Variants in CALN1 observed in about 807,000 individuals in gnomAD.
The protein encoded by CALN1 is calneuron 1.
A neutral mutation model predicts 30.6 loss-of-function variants in CALN1; 17 were observed. The ratio of observed to expected loss-of-function variants is 0.56; its 90% CI spans 0.38 to 0.83. The LOEUF is 0.83. Ranked by LOEUF, CALN1 falls within the 40% of genes least tolerant of loss-of-function variation. CALN1 has a pLI of 0.00. For synonymous variants in CALN1, 156 were observed against 131.4 expected, an observed-to-expected ratio of 1.19 and a Z score of -1.28; for missense variants, 291 against 354.9, an observed-to-expected ratio of 0.82 and a Z score of 1.45.
At chr7:72,089,100 T>A (rs10950293) in intron 4 of CALN1, among the ~76,000 whole-genome samples, 34,512 of 151,988 alleles carry the variant, frequency 0.23, 3,960 homozygotes, top group Admixed American at 0.29. Context: ...TTTTTTAAAT[T>A]GAAAATAATA....
chr7:71,831,056 C>A (rs1051052565), intron 5 of CALN1, among the ~76,000 whole-genome samples: 12 of 152,090 alleles, frequency 7.9e-5, no homozygotes, highest in African/African-American at 2.7e-4. Flanking sequence ...TAAATGCAGA[C>A]CCCGAGTTCA....
At chr7:72,307,688 G>C (rs1459105771) in intron 2 of CALN1, among the ~76,000 whole-genome samples, 1 of 152,024 alleles carries the variant, frequency 6.6e-6, no homozygotes, top group African/African-American at 2.4e-5. Flanking sequence ...CAGATGCCGT[G>C]GGGAGGTGAC....
chr7:71,879,108 A>G (rs1792420831), intron 5 of CALN1, among the ~76,000 whole-genome samples: 1 of 152,204 alleles, frequency 6.6e-6, no homozygotes, highest in Non-Finnish European at 1.5e-5. Flanking sequence ...GCAGAGAAAG[A>G]ATAAAATTAA....
chr7:72,165,379 G>A (rs1489679422), intron 3 of CALN1, among the ~76,000 whole-genome samples: 1 of 152,102 alleles, frequency 6.6e-6, no homozygotes, highest in Non-Finnish European at 1.5e-5. Context: ...GGCCAACAGG[G>A]TGAGACTGCG....
chr7:72,495,614 G>A, the CALN1 span, among the ~76,000 whole-genome samples: 14 of 152,182 alleles, frequency 9.2e-5, no homozygotes, highest in Non-Finnish European at 2.1e-4. Context: ...CTCTCTGTTA[G>A]TCAAGGCTCT....
chr7:71,928,695 C>T (rs2129519957), intron 5 of CALN1, among the ~76,000 whole-genome samples: 1 of 152,098 alleles, frequency 6.6e-6, no homozygotes, highest in South Asian at 2.1e-4. Flanking sequence ...ATCACAACAA[C>T]AGATTCTACA....
intron 2 of CALN1, among the ~76,000 whole-genome samples, chr7:72,280,301 A>G (rs952608454): frequency 5.3e-5 from 8 of 152,186 alleles, no homozygotes; most frequent in Admixed American, 3.9e-4. Context: ...GGCAAGAGCC[A>G]ACTGTCAGCT....
intron 4 of CALN1, among the ~76,000 whole-genome samples, chr7:72,100,439 C>T (rs1333558637): frequency 6.6e-6 from 1 of 152,052 alleles, no homozygotes; most frequent in Non-Finnish European, 1.5e-5. Flanking sequence ...ACCTTGGCCT[C>T]CCGAAGTGCT....
intron 2 of CALN1, among the ~76,000 whole-genome samples, chr7:72,310,517 T>A (rs568268829): frequency 6.6e-6 from 1 of 151,810 alleles, no homozygotes; most frequent in South Asian, 2.1e-4. Context: ...CCTAGTGCCA[T>A]TTAGATAATA....
At chr7:72,410,092 T>C (rs142880433) in intron 1 of CALN1, among the ~76,000 whole-genome samples, 15 of 152,234 alleles carry the variant, frequency 9.9e-5, no homozygotes, top group African/African-American at 1.9e-4. Flanking sequence ...TCATGCCATA[T>C]GGTGTGTAAT....
intron 2 of CALN1, among the ~76,000 whole-genome samples, chr7:72,401,199 G>A (rs1016316225): frequency 6.6e-6 from 1 of 152,160 alleles, no homozygotes; most frequent in African/African-American, 2.4e-5. Flanking sequence ...ACCTGAAGGA[G>A]GTTCCCAACC....
intron 4 of CALN1, among the ~76,000 whole-genome samples, chr7:72,040,337 T>C (rs74932874): frequency 2.0e-5 from 3 of 147,828 alleles, no homozygotes; most frequent in Admixed American, 6.7e-5. Context: ...AAAAAAAAAA[T>C]AGCCAGCTGT....
chr7:72,116,835 T>C (rs1314280353), intron 3 of CALN1, among the ~76,000 whole-genome samples: 1 of 152,200 alleles, frequency 6.6e-6, no homozygotes, highest in African/African-American at 2.4e-5. Context: ...TGAATAACCA[T>C]GGCTCAGGTA....
intron 3 of CALN1, among the ~76,000 whole-genome samples, chr7:72,164,307 C>T (rs529329065): frequency 1.0e-4 from 15 of 145,916 alleles, no homozygotes; most frequent in South Asian, 2.1e-4. Context: ...GCCAAGATCA[C>T]GCCATTGCAC....
At chr7:72,365,933 A>C (rs1361981304) in intron 2 of CALN1, among the ~76,000 whole-genome samples, 2 of 152,206 alleles carry the variant, frequency 1.3e-5, no homozygotes, top group Non-Finnish European at 2.9e-5. Flanking sequence ...ACAAGTATCA[A>C]AGTTTTAAAT....
At chr7:72,067,979 G>C (rs192567010) in intron 4 of CALN1, among the ~76,000 whole-genome samples, 12 of 152,306 alleles carry the variant, frequency 7.9e-5, no homozygotes, top group Admixed American at 6.5e-4. Context: ...TTGTATCTTA[G>C]TCATTATTTA....
chr7:72,278,010 G>GA (rs1554348531), intron 3 of CALN1, among the ~76,000 whole-genome samples: 2 of 90,432 alleles, frequency 2.2e-5, no homozygotes, highest in African/African-American at 1.2e-4. Context: ...CTCTATTCCG[G>GA]GGGGGGGGGA....
intron 5 of CALN1, among the ~76,000 whole-genome samples, chr7:71,874,545 A>C (rs1286507450): frequency 4.6e-5 from 7 of 152,172 alleles, no homozygotes; most frequent in Non-Finnish European, 8.8e-5. Context: ...TTAAAGCCAC[A>C]CTTGCAGCGT....
At chr7:72,377,400 G>T (rs1334144131) in intron 2 of CALN1, among the ~76,000 whole-genome samples, 1 of 147,982 alleles carries the variant, frequency 6.8e-6, no homozygotes, top group South Asian at 2.1e-4. Flanking sequence ...TCTGTTGATT[G>T]CTTTTTTACT....
Sources: allele counts gnomAD v4.1 joint callset (sites outside exome capture counted in the v4.1 genomes callset), GRCh38; gene constraint gnomAD v4.1.1; transcripts MANE v1.5; gene names NCBI Gene and HGNC (gene_info 2026-07-23, HGNC 2026-07-21).